MMS22L: variants seen among roughly 807,000 people sequenced by gnomAD.
MMS22L encodes protein MMS22-like.
Under a neutral mutation model 159.1 loss-of-function variants are expected in MMS22L, and 74 were observed. The ratio of observed to expected loss-of-function variants is 0.47; its 90% CI spans 0.39 to 0.56. The LOEUF is 0.56. MMS22L is among the 20% of genes least tolerant of loss of function. The pLI is 0.00. For synonymous variants in MMS22L, 517 were observed against 506.9 expected (o/e 1.02, Z -0.27); for missense variants, 1,351 against 1,422.1 (o/e 0.95, Z 0.80).
At chr6:97,215,485 C>G (rs1470268296) in intron 14 of MMS22L, among the ~76,000 whole-genome samples, 1 of 152,144 alleles carries the variant, frequency 6.6e-6, no homozygotes, top group Non-Finnish European at 1.5e-5. Flanking sequence ...CCACAGTGTT[C>G]TAATGCTGCA....
chr6:97,283,280 T>C (rs1291450846), upstream of MMS22L: 2 of 151,722 alleles, frequency 1.3e-5, no homozygotes, highest in African/African-American at 2.4e-5. Context: ...GCGGAAACAG[T>C]CGGAGCCCCA....
rs764046550 is a variant in MMS22L at position 97,281,281 on chromosome 6, T to C, written c.246A>G (p.Glu82=). The C allele has an allele frequency of 2.4e-5, 38 of 1,611,604 alleles. 1 individual carries two copies. In the South Asian group the frequency reaches 4.2e-4, roughly 18 times the overall value. The change falls in exon 3 of 25, where the codon GAA becomes GAG. Residue 82 remains glutamate, a synonymous_variant. Transcript: ENST00000683635. ...CTCTAGATGAATTCACTAATGCTGT[T>C]TCAGTAACCCACTGAATGCCAAATA... ...LEIFGIQWVT[E]TALVNSSREL...
rs541223583 is a variant in MMS22L, at chr6:97,274,918, C to T, written c.341-1856G>A. On this transcript the variant is annotated intron_variant, in intron 4 of 24. Transcript: ENST00000683635. Reference sequence around the variant, plus strand: ...TGAAAAAAAATCTCATAATAGACTACGCACGAGAAAGAATTCTCAAAGCCT... The same window carrying T: ...TGAAAAAAAATCTCATAATAGACTATGCACGAGAAAGAATTCTCAAAGCCT... 3.3e-5 allele frequency among the ~76,000 whole-genome samples: 5 copies of T among 152,236 alleles called. No homozygotes were observed. The South Asian group carries it at 6.2e-4, about 19-fold the overall frequency.
intron 14 of MMS22L, among the ~76,000 whole-genome samples, chr6:97,203,004 G>T (rs192081557): frequency 6.6e-6 from 1 of 152,190 alleles, no homozygotes; most frequent in East Asian, 1.9e-4. Context: ...AAAAATAATT[G>T]CTTTGTACAA....
At chr6:97,207,498 A>G (rs1807909909) in intron 14 of MMS22L, among the ~76,000 whole-genome samples, 1 of 152,192 alleles carries the variant, frequency 6.6e-6, no homozygotes, top group Admixed American at 6.5e-5. Context: ...ACCATCTGTT[A>G]AAGGTCATCA....
chr6:97,223,009 C>T (rs1351175115), intron 14 of MMS22L, among the ~76,000 whole-genome samples: 1 of 151,972 alleles, frequency 6.6e-6, no homozygotes, highest in Non-Finnish European at 1.5e-5. Flanking sequence ...ATTTGACATT[C>T]GAAGTTTTAA....
intron 15 of MMS22L, 143 bp downstream of exon 15, chr6:97,186,354 C>A: frequency 1.8e-6 from 1 of 558,124 alleles, no homozygotes; most frequent in Non-Finnish European, 2.9e-6. Context: ...CAAAGGATCC[C>A]AATTTATTAA....
intron 24 of MMS22L, among the ~76,000 whole-genome samples, chr6:97,147,924 TA>T (rs1415708761): frequency 6.6e-6 from 1 of 152,172 alleles, no homozygotes; most frequent in South Asian, 2.1e-4. Context: ...TATTGTTTAA[TA>T]AAAAATTTTT....
At chr6:97,162,273 C>A in intron 21 of MMS22L, 108 bp from the exon 22 acceptor site, 2 of 798,338 alleles carry the variant, frequency 2.5e-6, no homozygotes, top group Non-Finnish European at 3.9e-6. Context: ...CAAATTAATA[C>A]AGTGCCACTT....
intron 8 of MMS22L, chr6:97,265,136 A>G (rs1814951854): frequency 6.6e-6 from 1 of 152,246 alleles, no homozygotes; most frequent in African/African-American, 2.4e-5. Flanking sequence ...ACACTACCTG[A>G]CTTCAAAATA....
In MMS22L at chr6:97,156,728, C is replaced by T. The variant is rs534263969; in HGVS notation, c.3386-4861G>A. 3.9e-5 allele frequency among the ~76,000 whole-genome samples: 6 copies of T among 152,128 alleles called. No individual in the cohort carries two copies. In the East Asian group the frequency reaches 7.7e-4, roughly 20 times the overall value. On this transcript the variant is annotated intron_variant, in intron 22 of 24. Coordinates refer to ENST00000683635, the MANE Select transcript of MMS22L (RefSeq NM_001350599.2). ...TTTGATTACTGTAGCCTTCTAGTATCGTTTGAAGTCAGGTAGCGTGACAAA... is the reference window on the plus strand; with the variant it reads ...TTTGATTACTGTAGCCTTCTAGTATTGTTTGAAGTCAGGTAGCGTGACAAA...
chr6:97,188,326 A>G (rs1230206886), intron 14 of MMS22L, among the ~76,000 whole-genome samples: 1 of 152,204 alleles, frequency 6.6e-6, no homozygotes, highest in African/African-American at 2.4e-5. Flanking sequence ...TTTGCTCACC[A>G]TATCTAAAAA....
At chr6:97,257,557 A>C (rs993076383) in intron 9 of MMS22L, among the ~76,000 whole-genome samples, 1 of 152,094 alleles carries the variant, frequency 6.6e-6, no homozygotes, top group African/African-American at 2.4e-5. Flanking sequence ...TCAGCCTCCC[A>C]AGTAGCTGGG....
At chr6:97,189,904 T>G (rs562926214) in intron 14 of MMS22L, among the ~76,000 whole-genome samples, 1 of 152,188 alleles carries the variant, frequency 6.6e-6, no homozygotes, top group Non-Finnish European at 1.5e-5. Context: ...ATAATTTATT[T>G]AAGCATAAAG....
intron 10 of MMS22L, chr6:97,254,113 G>C (rs1562509993): frequency 6.5e-6 from 1 of 153,304 alleles, no homozygotes; most frequent in Non-Finnish European, 1.5e-5. Context: ...TTAGCAAAAA[G>C]CTTCACTAAA....
intron 16 of MMS22L, among the ~76,000 whole-genome samples, chr6:97,181,598 G>A (rs1429693405): frequency 1.3e-5 from 2 of 152,064 alleles, no homozygotes; most frequent in Non-Finnish European, 2.9e-5. Flanking sequence ...TAATAAATGT[G>A]TAATTTCTTT....
intron 19 of MMS22L, among the ~76,000 whole-genome samples, chr6:97,170,310 T>G (rs1455756135): frequency 1.3e-5 from 2 of 152,148 alleles, no homozygotes; most frequent in Non-Finnish European, 2.9e-5. Flanking sequence ...ATATTTGTTT[T>G]ACTCCTTGCT....
chr6:97,168,368 T>C (rs1803195150), intron 19 of MMS22L, 128 bp from the exon 20 acceptor site: 9 of 700,100 alleles, frequency 1.3e-5, no homozygotes, highest in South Asian at 8.3e-5. Context: ...AAGAGACATA[T>C]AGTAGAAGTA....
At chr6:97,241,095 A>G (rs989141756) in intron 11 of MMS22L, among the ~76,000 whole-genome samples, 1 of 152,238 alleles carries the variant, frequency 6.6e-6, no homozygotes, top group African/African-American at 2.4e-5. Flanking sequence ...TGTCACTAAG[A>G]ATAATGGTCT....
Sources: gnomAD v4.1 joint callset for allele counts (sites outside exome capture counted in the v4.1 genomes callset) on GRCh38, gnomAD v4.1.1 for gene constraint, MANE v1.5 for transcripts, NCBI Gene and HGNC (gene_info 2026-07-23, HGNC 2026-07-21) for gene names.